The following VAT1L variants were observed in gnomAD, a reference collection of about 807,000 sequenced individuals.
VAT1L encodes the protein putative NADPH-dependent quinone oxidoreductase VAT1L.
In VAT1L, 34 loss-of-function variants were observed where a neutral mutation model predicts 44.1. The observed-to-expected ratio is 0.77, with a 90% CI of 0.59 to 1.03. The LOEUF (loss-of-function observed/expected upper bound fraction) is 1.03. Ranked by LOEUF, VAT1L falls within the 50% of genes least tolerant of loss-of-function variation. The probability of loss-of-function intolerance (pLI) is 0.00; values close to 1 mark genes in which losing one functional copy is unlikely to be tolerated. For synonymous variants in VAT1L, 253 were observed against 202.2 expected (o/e 1.25, Z -2.13); for missense variants, 615 against 538.8 (o/e 1.14, Z -1.40).
At chr16:77,929,863 G>A (rs1361331911) in intron 7 of VAT1L, among the ~76,000 whole-genome samples, 1 of 152,196 alleles carries the variant, frequency 6.6e-6, no homozygotes, top group Non-Finnish European at 1.5e-5. Flanking sequence ...CCCTCTGGCT[G>A]GGTGTGTAAT....
At chr16:77,902,606 T>C (rs1431405492) in intron 7 of VAT1L, among the ~76,000 whole-genome samples, 3 of 151,956 alleles carry the variant, frequency 2.0e-5, no homozygotes, top group Non-Finnish European at 4.4e-5. Context: ...TGTACAAGGA[T>C]GGCCCCTACC....
intron 7 of VAT1L, among the ~76,000 whole-genome samples, chr16:77,917,357 A>T (rs964692762): frequency 6.6e-6 from 1 of 152,172 alleles, no homozygotes; most frequent in Non-Finnish European, 1.5e-5. Context: ...AATTTCCCGG[A>T]AATTACCTTT....
chr16:77,923,271 A>G (rs1190704148), intron 7 of VAT1L, among the ~76,000 whole-genome samples: 1 of 152,220 alleles, frequency 6.6e-6, no homozygotes, highest in Admixed American at 6.5e-5. Context: ...TAACATGGTG[A>G]AACCCCGTAT....
At chr16:77,826,924 G>C (rs1343810450) in intron 3 of VAT1L, among the ~76,000 whole-genome samples, 2 of 152,102 alleles carry the variant, frequency 1.3e-5, no homozygotes, top group Non-Finnish European at 2.9e-5. Flanking sequence ...TGGAGGTTTT[G>C]CTAGCATACC....
rs142152572 is a variant in VAT1L at position 77,911,718 on chromosome 16, G to A, written c.1077+26916G>A. ...GCACGTGCAGACTCTGGGTCCACAC[G>A]AGTGTACACAAGGCACCCCAAGGGG... On this transcript the variant is annotated intron_variant, in intron 7 of 8. Transcript: ENST00000302536. Among the ~76,000 whole-genome samples, 361 of 152,216 alleles carry A rather than the reference G, an allele frequency of 2.4e-3. 1 individual carries two copies. Among genetic ancestry groups the A allele is most frequent in the Admixed American group, 6.9e-3 (105 of 15,306 alleles).
intron 7 of VAT1L, among the ~76,000 whole-genome samples, chr16:77,960,271 GTGTATT>G (rs768042260): frequency 2.6e-5 from 4 of 152,126 alleles, no homozygotes; most frequent in Non-Finnish European, 5.9e-5. Flanking sequence ...TACACACTCA[GTGTATT>G]TGTTGAATGA....
intron 7 of VAT1L, among the ~76,000 whole-genome samples, chr16:77,899,338 T>G (rs1413166084): frequency 6.6e-6 from 1 of 152,310 alleles, no homozygotes; most frequent in South Asian, 2.1e-4. Flanking sequence ...TTCAACCTGG[T>G]TGCCCCGTCA....
At position 77,807,502 on chromosome 16, in the gene VAT1L, TACTGGTATATCAGAGTTCA is replaced by T. The variant is rs370720685; in HGVS notation, c.234-9415_234-9397del. Among the ~76,000 whole-genome samples, 1,227 of 152,262 alleles carry T rather than the reference TACTGGTATATCAGAGTTCA, an allele frequency of 8.1e-3. 11 individuals carry two copies. The highest frequency in any genetic ancestry group is 0.012 in the Non-Finnish European group (811 of 68,016). On this transcript the variant is annotated intron_variant, in intron 1 of 8. Transcript: ENST00000302536. ...TTGCAAGGATGAACTGAGACCTCTT[TACTGGTATATCAGAGTTCA>T]ACTTCTCCCCGTCCCCAGTCCAGCT... is the stretch of plus-strand genomic sequence containing the variant.
Position 77,950,648 on chromosome 16 carries a change from G to A in VAT1L, c.1078-21202G>A, listed in dbSNP as rs141140878. Reference sequence around the variant, plus strand: ...AAGCAGTGATCTTCAGGGATGTTCTGTGTTGCCCTTAATCATCCTAAGCCT... The same window carrying A: ...AAGCAGTGATCTTCAGGGATGTTCTATGTTGCCCTTAATCATCCTAAGCCT... On this transcript the variant is annotated intron_variant, in intron 7 of 8. Coordinates refer to ENST00000302536, the MANE Select transcript of VAT1L (RefSeq NM_020927.3). 2.1e-3 allele frequency among the ~76,000 whole-genome samples: 326 copies of A among 152,286 alleles called. 2 individuals carry two copies. Among genetic ancestry groups the A allele is most frequent in the African/African-American group, 7.2e-3 (301 of 41,570 alleles).
intron 7 of VAT1L, among the ~76,000 whole-genome samples, chr16:77,929,295 G>C (rs969727222): frequency 1.3e-5 from 2 of 152,162 alleles, no homozygotes; most frequent in Admixed American, 6.5e-5. Flanking sequence ...CTTCCAGGCA[G>C]GGATCATTAG....
intron 7 of VAT1L, among the ~76,000 whole-genome samples, chr16:77,888,086 C>T (rs944102370): frequency 2.1e-4 from 32 of 152,188 alleles, no homozygotes; most frequent in African/African-American, 7.7e-4. Flanking sequence ...TTTTGACAGT[C>T]TGCTTCCTTC....
intron 3 of VAT1L, among the ~76,000 whole-genome samples, chr16:77,837,925 G>C (rs1157366748): frequency 6.6e-6 from 1 of 152,078 alleles, no homozygotes; most frequent in Non-Finnish European, 1.5e-5. Context: ...ATTACCCAGC[G>C]ATACTTTGGC....
At chr16:77,901,882 T>G (rs2017387416) in intron 7 of VAT1L, among the ~76,000 whole-genome samples, 1 of 152,206 alleles carries the variant, frequency 6.6e-6, no homozygotes, top group Admixed American at 6.5e-5. Context: ...AGTGGTGGTC[T>G]TATTCTTGCT....
chr16:77,908,464 CAAA>C (rs11418351), intron 7 of VAT1L, among the ~76,000 whole-genome samples: 103 of 39,360 alleles, frequency 2.6e-3, no homozygotes, highest in African/African-American at 0.01. Flanking sequence ...GGTTCTGTCT[CAAA>C]AAAAAAAAAA....
chr16:77,935,670 C>G (rs1271843374), intron 7 of VAT1L, among the ~76,000 whole-genome samples: 1 of 151,904 alleles, frequency 6.6e-6, no homozygotes, highest in East Asian at 1.9e-4. Flanking sequence ...GAAAGAGGTT[C>G]AGACTGGTTG....
At chr16:77,831,968 AC>A (rs534672169) in intron 3 of VAT1L, among the ~76,000 whole-genome samples, 68 of 137,578 alleles carry the variant, frequency 4.9e-4, no homozygotes, top group African/African-American at 1.8e-3. Flanking sequence ...GGCGCCCACC[AC>A]CATGCCCGGC....
chr16:77,844,694 C>G (rs532809976), intron 3 of VAT1L, among the ~76,000 whole-genome samples: 1 of 152,238 alleles, frequency 6.6e-6, no homozygotes, highest in East Asian at 1.9e-4. Context: ...CAGGCGTGAG[C>G]CACCACATCT....
At chr16:77,901,090 G>A (rs1031821643) in intron 7 of VAT1L, among the ~76,000 whole-genome samples, 3 of 151,366 alleles carry the variant, frequency 2.0e-5, no homozygotes, top group Non-Finnish European at 4.4e-5. Context: ...AGATGGCTCC[G>A]AGGTGGGGCT....
intron 7 of VAT1L, 74 bp from the exon 8 acceptor site, chr16:77,971,776 G>A: frequency 1.3e-6 from 2 of 1,498,272 alleles, no homozygotes; most frequent in Non-Finnish European, 1.8e-6. Flanking sequence ...GACAGTTTGA[G>A]TTCTCCAGGC....
Sources: gnomAD v4.1 joint callset for allele counts (sites outside exome capture counted in the v4.1 genomes callset) on GRCh38, gnomAD v4.1.1 for gene constraint, MANE v1.5 for transcripts, NCBI Gene and HGNC (gene_info 2026-07-23, HGNC 2026-07-21) for gene names.